Variants in ANK3 observed in about 807,000 individuals in gnomAD.
ANK3 encodes the protein ankyrin-3.
In ANK3, 57 loss-of-function variants were observed where a neutral mutation model predicts 370.9. The observed-to-expected ratio is 0.15, with a 90% CI of 0.12 to 0.19. The LOEUF is 0.19. ANK3 is among the 10% of genes least tolerant of loss of function. The probability of loss-of-function intolerance (pLI) is 1.00; values close to 1 mark genes in which losing one functional copy is unlikely to be tolerated. For missense variants in ANK3, 4,439 were observed against 5,302.1 expected (o/e 0.84, Z 5.06); for synonymous variants, 1,929 against 1,946.3 (o/e 0.99, Z 0.23).
At chr10:60,606,887 G>A (rs1181261293) in intron 2 of ANK3, among the ~76,000 whole-genome samples, 2 of 152,114 alleles carry the variant, frequency 1.3e-5, no homozygotes, top group East Asian at 3.9e-4. Flanking sequence ...CTAGCAAAAT[G>A]TGACTCTCAC....
At chr10:60,372,651 G>A (rs1229353818) in intron 1 of ANK3, among the ~76,000 whole-genome samples, 1 of 152,138 alleles carries the variant, frequency 6.6e-6, no homozygotes, top group Non-Finnish European at 1.5e-5. Flanking sequence ...ACAAAGCATA[G>A]AGCTGTTGTC....
chr10:60,556,740 G>A (rs1214401387), intron 2 of ANK3, among the ~76,000 whole-genome samples: 1 of 152,180 alleles, frequency 6.6e-6, no homozygotes, highest in Non-Finnish European at 1.5e-5. Context: ...ATCTATCAGA[G>A]GAGAACAGCT....
At chr10:60,584,685 A>G (rs1381746186) in intron 2 of ANK3, among the ~76,000 whole-genome samples, 1 of 151,882 alleles carries the variant, frequency 6.6e-6, no homozygotes, top group Non-Finnish European at 1.5e-5. Flanking sequence ...TAACAAAGCC[A>G]TGTAGTTCCT....
At chr10:60,488,854 CAT>C (rs1456944505) in intron 2 of ANK3, among the ~76,000 whole-genome samples, 8 of 152,114 alleles carry the variant, frequency 5.3e-5, no homozygotes, top group Non-Finnish European at 1.0e-4. Flanking sequence ...ACAACTGTAC[CAT>C]ATGTTACTGG....
chr10:60,668,230 A>G (rs1410402338), intron 1 of ANK3, among the ~76,000 whole-genome samples: 1 of 151,608 alleles, frequency 6.6e-6, no homozygotes, highest in East Asian at 1.9e-4. Context: ...GGAATAACTC[A>G]TCAGACGAAG....
At chr10:60,252,256 G>A (rs2097679190) in intron 7 of ANK3, among the ~76,000 whole-genome samples, 1 of 152,124 alleles carries the variant, frequency 6.6e-6, no homozygotes, top group Non-Finnish European at 1.5e-5. Context: ...TGCTGTGGAA[G>A]AACTGCAGTG....
chr10:60,276,415 A>T (rs1440688417), intron 4 of ANK3, among the ~76,000 whole-genome samples: 2 of 152,178 alleles, frequency 1.3e-5, no homozygotes, highest in Non-Finnish European at 2.9e-5. Context: ...AGGAATTATC[A>T]TTGAAACTCC....
chr10:60,312,794 G>C (rs573156371), intron 1 of ANK3, among the ~76,000 whole-genome samples: 4 of 152,194 alleles, frequency 2.6e-5, no homozygotes, highest in Admixed American at 6.5e-5. Context: ...AAAATCAGAT[G>C]TTTTAAGCAA....
At chr10:60,715,291 A>G (rs2079770101) in intron 1 of ANK3, among the ~76,000 whole-genome samples, 1 of 151,018 alleles carries the variant, frequency 6.6e-6, no homozygotes, top group Non-Finnish European at 1.5e-5. Flanking sequence ...ACGGTGTTTG[A>G]TTTACCATTA....
chr10:60,722,793 G>A (rs532913180), intron 1 of ANK3, among the ~76,000 whole-genome samples: 1 of 152,196 alleles, frequency 6.6e-6, no homozygotes, highest in African/African-American at 2.4e-5. Context: ...AAAAGAGTTT[G>A]GGACTTTCCC....
At chr10:60,203,697 C>T (rs576484388) in intron 11 of ANK3, among the ~76,000 whole-genome samples, 5 of 152,296 alleles carry the variant, frequency 3.3e-5, no homozygotes, top group African/African-American at 1.2e-4. Flanking sequence ...ACAATGGTCA[C>T]TAGACTAGAC....
chr10:60,643,958 G>A (rs1013129565), intron 1 of ANK3, among the ~76,000 whole-genome samples: 5 of 152,176 alleles, frequency 3.3e-5, no homozygotes, highest in Admixed American at 2.0e-4. Flanking sequence ...TGCTATTTGA[G>A]TCCCTATCCC....
intron 2 of ANK3, among the ~76,000 whole-genome samples, chr10:60,564,532 GT>G (rs367891317): frequency 1.2e-3 from 180 of 152,292 alleles, no homozygotes; most frequent in African/African-American, 4.2e-3. Context: ...GGCATGGTGT[GT>G]TTCAAGACAC....
intron 1 of ANK3, among the ~76,000 whole-genome samples, chr10:60,336,555 G>A (rs1417755777): frequency 7.4e-5 from 11 of 148,642 alleles, no homozygotes; most frequent in Admixed American, 7.3e-4. Flanking sequence ...GGGTATGGTG[G>A]AATCTGGAGA....
At chr10:60,195,806 G>C (rs527942319) in intron 16 of ANK3, among the ~76,000 whole-genome samples, 1 of 151,774 alleles carries the variant, frequency 6.6e-6, no homozygotes, top group Non-Finnish European at 1.5e-5. Context: ...CCAGAAAAAT[G>C]TAACACATGT....
intron 7 of ANK3, among the ~76,000 whole-genome samples, chr10:60,236,471 G>A (rs1463953449): frequency 6.6e-5 from 10 of 151,760 alleles, no homozygotes; most frequent in Admixed American, 2.0e-4. Context: ...TTTTCCCCCC[G>A]TGTTCATTTA....
intron 2 of ANK3, among the ~76,000 whole-genome samples, chr10:60,478,830 A>T (rs1194379411): frequency 6.6e-6 from 1 of 152,138 alleles, no homozygotes; most frequent in Non-Finnish European, 1.5e-5. Context: ...TAATTTCCTC[A>T]CATAAAATAA....
In ANK3 at chr10:60,088,853, TATTTGTAG is replaced by T. The variant is rs1261511044; in HGVS notation, c.3329-503_3329-496del. On this transcript the variant is annotated intron_variant, in intron 28 of 43. Coordinates refer to ENST00000280772, the MANE Select transcript of ANK3 (RefSeq NM_020987.5). Reference sequence around the variant, plus strand: ...AATATTATAAAACTATTAATATAAGTATTTGTAGAAAATATTTTTACAGAGTGGGAACA... The same window carrying T: ...AATATTATAAAACTATTAATATAAGTAAAATATTTTTACAGAGTGGGAACA... 1.7e-3 allele frequency among the ~76,000 whole-genome samples: 260 copies of T among 152,328 alleles called. 1 individual carries two copies. Among genetic ancestry groups the T allele is most frequent in the African/African-American group, 5.7e-3 (237 of 41,572 alleles).
intron 7 of ANK3, among the ~76,000 whole-genome samples, chr10:60,248,246 G>C (rs1015565491): frequency 3.3e-5 from 5 of 152,202 alleles, no homozygotes; most frequent in Admixed American, 6.5e-5. Context: ...CTGAGGAAAT[G>C]ATGAGCTGCT....
Sources: gnomAD v4.1 joint callset for allele counts (sites outside exome capture counted in the v4.1 genomes callset) on GRCh38, gnomAD v4.1.1 for gene constraint, MANE v1.5 for transcripts, NCBI Gene and HGNC (gene_info 2026-07-23, HGNC 2026-07-21) for gene names.